Variants in SPIB observed in about 807,000 individuals in gnomAD.
SPIB encodes the protein transcription factor Spi-B.
In SPIB, 7 loss-of-function variants were observed where a neutral mutation model predicts 31.9. The observed-to-expected ratio is 0.22, with a 90% CI of 0.12 to 0.41. SPIB has a LOEUF of 0.41. Ranked by LOEUF, SPIB falls within the 10% of genes least tolerant of loss-of-function variation. The probability of loss-of-function intolerance (pLI) is 1.00; values close to 1 mark genes in which losing one functional copy is unlikely to be tolerated. For synonymous variants in SPIB, 176 were observed against 158.9 expected, an observed-to-expected ratio of 1.11 and a Z score of -0.81; for missense variants, 327 against 360.2, an observed-to-expected ratio of 0.91 and a Z score of 0.75.
At chr19:50,420,927 T>C (rs1399865243) in intron 2 of SPIB, among the ~76,000 whole-genome samples, 1 of 152,212 alleles carries the variant, frequency 6.6e-6, no homozygotes, top group Non-Finnish European at 1.5e-5. Flanking sequence ...CGCACCCAGC[T>C]GCCTGCTTTT....
chr19:50,422,749 C>G (rs1367600239), intron 3 of SPIB, 74 bp from the exon 4 acceptor site: 2 of 1,145,728 alleles, frequency 1.7e-6, no homozygotes, highest in African/African-American at 3.1e-5. Flanking sequence ...AATGGCCTCT[C>G]TGTGCTGGGG....
intron 1 of SPIB, 33 bp from the exon 2 acceptor site, chr19:50,419,913 C>G: frequency 6.5e-7 from 1 of 1,533,902 alleles, no homozygotes; most frequent in Non-Finnish European, 8.7e-7. Context: ...CTGGAGGCAG[C>G]CTCAGCATGC....
chr19:50,428,168 C>A lies in SPIB; in HGVS notation c.621C>A (p.Leu207=), dbSNP rs142878744. The A allele has an allele frequency of 1.9e-6, 3 of 1,590,156 alleles. No individual in the cohort carries two copies. Among genetic ancestry groups the A allele is most frequent in the Non-Finnish European group, 2.6e-6 (3 of 1,168,332 alleles). The change falls in exon 6 of 6, where the codon CTC becomes CTA. Residue 207 remains leucine (L), a synonymous_variant. Coordinates refer to ENST00000595883, the MANE Select transcript of SPIB (RefSeq NM_003121.5). The surrounding 1 kb of genome is among the most constrained non-coding windows in gnomAD (Gnocchi z 6.5). ...AGTTCTCCTCCAAGCACAAGGAACTCCTGGCGCGCCGCTGGGGCCAGCAGA... is the reference window on the plus strand; with the variant it reads ...AGTTCTCCTCCAAGCACAAGGAACTACTGGCGCGCCGCTGGGGCCAGCAGA... ...VFQFSSKHKE[L]LARRWGQQKG...
intron 4 of SPIB, chr19:50,423,267 G>T (rs2039523273): frequency 1.3e-5 from 6 of 466,234 alleles, no homozygotes; most frequent in African/African-American, 2.0e-5. Flanking sequence ...GTTGAGGTTT[G>T]CTGGGTGCCG....
chr19:50,427,436 A>G (rs901296053), intron 5 of SPIB, among the ~76,000 whole-genome samples: 1 of 151,992 alleles, frequency 6.6e-6, no homozygotes, highest in African/African-American at 2.4e-5. Context: ...GAGGCAGCAG[A>G]ATTGCTCGAA....
intron 3 of SPIB, 129 bp downstream of exon 3, chr19:50,422,674 C>T (rs1185461217): frequency 9.0e-7 from 1 of 1,110,140 alleles, no homozygotes; most frequent in Non-Finnish European, 1.3e-6. Flanking sequence ...GCCCTCCTCC[C>T]CTTTCCTCTC....
chr19:50,420,107 T>G (rs1404218857), intron 2 of SPIB, 134 bp downstream of exon 2: 2 of 705,894 alleles, frequency 2.8e-6, no homozygotes, highest in Non-Finnish European at 4.2e-6. Context: ...CCTTGGTATC[T>G]CCTGCTACCC....
chr19:50,428,019 G>A lies in SPIB; in HGVS notation c.491-19G>A. ...CTTAGGGACCCCTCACCTAACGCGT[G>A]CCCCCGACCCCACCGCAGGGACTCG... On this transcript the variant is annotated intron_variant, in intron 5 of 5. Coordinates refer to ENST00000595883, the MANE Select transcript of SPIB (RefSeq NM_003121.5). This position sits in a 1 kb window ranked among gnomAD's most constrained non-coding sequence, Gnocchi z 6.5. 1 of 1,483,982 alleles carries A rather than the reference G, an allele frequency of 6.7e-7. No individual in the cohort carries two copies. Among genetic ancestry groups the A allele is most frequent in the Non-Finnish European group, 9.0e-7 (1 of 1,110,522 alleles). 91.9% of individuals were successfully genotyped at this position (1,483,982 alleles called of 1,614,324 possible).
intron 5 of SPIB, among the ~76,000 whole-genome samples, chr19:50,424,130 C>T (rs1371364183): frequency 6.6e-6 from 1 of 152,178 alleles, no homozygotes; most frequent in Non-Finnish European, 1.5e-5. Context: ...AACGGTTCAA[C>T]CCTTGCCCCC....
intron 5 of SPIB, among the ~76,000 whole-genome samples, chr19:50,425,696 C>G (rs2039556445): frequency 1.3e-5 from 2 of 152,200 alleles, no homozygotes; most frequent in Admixed American, 6.5e-5. Flanking sequence ...CCCACCTCAG[C>G]CTCCCAAAGT....
chr19:50,419,284 C>T (rs959080486), intron 1 of SPIB, among the ~76,000 whole-genome samples: 4 of 152,172 alleles, frequency 2.6e-5, no homozygotes, highest in South Asian at 2.1e-4. Context: ...CCTGTCTCCC[C>T]GAGTTCCCGT....
chr19:50,429,039 G>C lies in SPIB; in HGVS notation c.*703G>C, dbSNP rs1346530714. On this transcript the variant is annotated 3_prime_UTR_variant, in exon 6 of 6. Coordinates refer to ENST00000595883, the MANE Select transcript of SPIB (RefSeq NM_003121.5). ...TCACTCTTGAGAGGTCTGGGGTGGA[G>C]GATGGGGAGTCAGTGAAATGTGTCA... is the stretch of plus-strand genomic sequence containing the variant. The C allele has an allele frequency of 6.6e-6, 1 of 152,284 alleles. No individual in the cohort carries two copies. Among genetic ancestry groups the C allele is most frequent in the African/African-American group, 2.4e-5 (1 of 41,412 alleles). 9.4% of individuals were successfully genotyped at this position (152,284 alleles called of 1,614,324 possible).
chr19:50,424,965 A>AAACC (rs1450398102), intron 5 of SPIB, among the ~76,000 whole-genome samples: 1 of 151,000 alleles, frequency 6.6e-6, no homozygotes, highest in African/African-American at 2.4e-5. Flanking sequence ...TCTCAAAAAC[A>AAACC]AACAAACAAA....
In SPIB at chr19:50,430,512, T is replaced by A. The variant is rs2039628165; in HGVS notation, c.*2176T>A. 6.6e-6 allele frequency: 1 copy of A among 152,058 alleles called. No individual in the cohort carries two copies. Among genetic ancestry groups the A allele is most frequent in the African/African-American group, 2.4e-5 (1 of 41,350 alleles). 9.4% of individuals were successfully genotyped at this position (152,058 alleles called of 1,614,324 possible). A position where few individuals can be genotyped will look rare whatever the true frequency, so the allele number is the denominator to read the frequency against. On this transcript the variant is annotated 3_prime_UTR_variant, in exon 6 of 6. Transcript: ENST00000595883. ...TAATCCCAGCACTTTGGGAGGCCGA[T>A]GCAGGTGGATCACCTGAGGTAGGAG... is the stretch of plus-strand genomic sequence containing the variant.
rs1187012730 is a variant in SPIB, at chr19:50,422,367, T to A, written c.52-106T>A. The A allele has an allele frequency of 1.6e-5, 14 of 877,616 alleles. No individual in the cohort carries two copies. The African/African-American group carries it at 2.0e-4, about 13-fold the overall frequency. 54.4% of individuals were successfully genotyped at this position (877,616 alleles called of 1,614,324 possible). A position where few individuals can be genotyped will look rare whatever the true frequency, so the allele number is the denominator to read the frequency against. ...TTGCTCTAATCTCTCCAGCATCCCC[T>A]CTTCTCTCCCATGTCTGTGTTGGAG... On this transcript the variant is annotated intron_variant, in intron 2 of 5. Coordinates refer to ENST00000595883, the MANE Select transcript of SPIB (RefSeq NM_003121.5).
intron 3 of SPIB, 60 bp downstream of exon 3, chr19:50,422,605 C>T (rs2039510817): frequency 8.3e-6 from 13 of 1,572,062 alleles, no homozygotes; most frequent in Middle Eastern, 1.7e-4. Context: ...GATAGGGGAG[C>T]TGAGGCCCAG....
At chr19:50,423,382 AGCCAGGGACAGG>A (rs1458154829) in intron 4 of SPIB, among the ~76,000 whole-genome samples, 2 of 152,110 alleles carry the variant, frequency 1.3e-5, no homozygotes, top group African/African-American at 4.8e-5. Context: ...AGTGACAGGA[AGCCAGGGACAGG>A]GCAGACTCGC....
Position 50,419,927 on chromosome 19 carries a change from T to C in SPIB, c.24-19T>C, listed in dbSNP as rs893121134. The C allele has an allele frequency of 3.2e-6, 5 of 1,541,614 alleles. No homozygotes were observed. The South Asian group carries it at 6.2e-5, about 19-fold the overall frequency. On this transcript the variant is annotated intron_variant, in intron 1 of 5. Coordinates refer to ENST00000595883, the MANE Select transcript of SPIB (RefSeq NM_003121.5). The stretch of plus-strand genomic sequence containing the variant: ...GCTGGAGGCAGCCTCAGCATGCCCC[T>C]GTGTCTCTCCCCCTCCAGGCTCGAC...
At chr19:50,424,302 AAAGTGCCTTGTG>A (rs1231616990) in intron 5 of SPIB, among the ~76,000 whole-genome samples, 11 of 152,288 alleles carry the variant, frequency 7.2e-5, no homozygotes, top group Non-Finnish European at 1.3e-4. Context: ...TCATAACTGT[AAAGTGCCTTGTG>A]AAGCACCTGG....
Sources: gnomAD v4.1 joint callset for allele counts (sites outside exome capture counted in the v4.1 genomes callset) on GRCh38, gnomAD v4.1.1 for gene constraint, Gnocchi (gnomAD v3.1) non-coding constraint, MANE v1.5 for transcripts, NCBI Gene and HGNC (gene_info 2026-07-23, HGNC 2026-07-21) for gene names.